CNTNAP2: variants seen among roughly 807,000 people sequenced by gnomAD.
CNTNAP2 encodes the protein contactin associated protein 2.
CNTNAP2 carries 98 observed loss-of-function variants against 155.2 expected under a neutral mutation model. The ratio of observed to expected loss-of-function variants is 0.63; its 90% CI spans 0.54 to 0.75. The LOEUF (loss-of-function observed/expected upper bound fraction) is 0.75, where lower values mean the gene tolerates loss of function less well. CNTNAP2 is among the 30% of genes least tolerant of loss of function. The probability of loss-of-function intolerance (pLI) is 0.00; values close to 1 mark genes in which losing one functional copy is unlikely to be tolerated. For missense variants in CNTNAP2, 1,727 were observed against 1,688.1 expected (o/e 1.02, Z -0.40); for synonymous variants, 651 against 631.2 (o/e 1.03, Z -0.47).
At chr7:148,086,436 C>G (rs1166067875) in intron 15 of CNTNAP2, among the ~76,000 whole-genome samples, 1 of 152,150 alleles carries the variant, frequency 6.6e-6, no homozygotes, top group Non-Finnish European at 1.5e-5. Flanking sequence ...ATCACAATGT[C>G]TCTAAGCATT....
chr7:146,254,968 A>G (rs1430291401), intron 1 of CNTNAP2, among the ~76,000 whole-genome samples: 1 of 152,138 alleles, frequency 6.6e-6, no homozygotes, highest in Non-Finnish European at 1.5e-5. Context: ...TAAACACCAC[A>G]TTTCAAAAGG....
At chr7:148,094,320 C>T (rs560707694) in intron 15 of CNTNAP2, among the ~76,000 whole-genome samples, 27 of 152,140 alleles carry the variant, frequency 1.8e-4, no homozygotes, top group African/African-American at 6.5e-4. Flanking sequence ...TAAACATAGA[C>T]AAATATTAGC....
chr7:147,538,158 G>A (rs1297774915), intron 11 of CNTNAP2, among the ~76,000 whole-genome samples: 4 of 152,052 alleles, frequency 2.6e-5, no homozygotes, highest in Non-Finnish European at 4.4e-5. Context: ...AACGTTCATC[G>A]GTATAAGAAA....
intron 14 of CNTNAP2, among the ~76,000 whole-genome samples, chr7:147,909,694 C>G (rs761580585): frequency 1.3e-5 from 2 of 152,206 alleles, no homozygotes; most frequent in Non-Finnish European, 2.9e-5. Flanking sequence ...TTCCTGGTCT[C>G]TTGCAGCCTG....
chr7:146,302,332 T>C (rs1276060900), intron 1 of CNTNAP2, among the ~76,000 whole-genome samples: 1 of 152,158 alleles, frequency 6.6e-6, no homozygotes, highest in Non-Finnish European at 1.5e-5. Flanking sequence ...TAAGGTAATA[T>C]TAAATGACAC....
intron 18 of CNTNAP2, among the ~76,000 whole-genome samples, chr7:148,173,979 T>C (rs1232482115): frequency 6.6e-6 from 1 of 152,126 alleles, no homozygotes; most frequent in Non-Finnish European, 1.5e-5. Flanking sequence ...TAATAGGCAA[T>C]AGTCATGAAT....
chr7:147,686,662 G>A (rs1411324325), intron 13 of CNTNAP2, among the ~76,000 whole-genome samples: 4 of 151,984 alleles, frequency 2.6e-5, no homozygotes, highest in Admixed American at 6.6e-5. Context: ...AGAAGGAACA[G>A]CCAGTTAAGT....
intron 1 of CNTNAP2, among the ~76,000 whole-genome samples, chr7:146,323,564 TAAAC>T (rs1461142791): frequency 2.0e-5 from 3 of 151,834 alleles, no homozygotes; most frequent in Non-Finnish European, 4.4e-5. Context: ...TTACATAACA[TAAAC>T]AGACACATTA....
Position 148,147,775 on chromosome 7 carries a change from A to C in CNTNAP2, c.2773+66A>C, listed in dbSNP as rs1241357420. Reference sequence around the variant, plus strand: ...TTTTAAGAGCCTGCACAATACAAAAAAAAAAAAAAATCAGCCTATGCAAGG... The same window carrying C: ...TTTTAAGAGCCTGCACAATACAAAACAAAAAAAAAATCAGCCTATGCAAGG... On this transcript the variant is annotated intron_variant, in intron 17 of 23. Transcript: ENST00000361727. 8 of 1,511,700 alleles carry C rather than the reference A, an allele frequency of 5.3e-6. No homozygotes were observed. The Admixed American group carries it at 7.7e-5, about 14-fold the overall frequency. The allele number at this position is 1,511,700 out of a possible 1,614,324, so 93.6% of individuals were successfully genotyped here.
At chr7:148,209,105 T>A (rs1279737140) in intron 18 of CNTNAP2, among the ~76,000 whole-genome samples, 1 of 152,100 alleles carries the variant, frequency 6.6e-6, no homozygotes, top group Non-Finnish European at 1.5e-5. Flanking sequence ...CAAAGGCACC[T>A]CAAACTTGAC....
chr7:147,170,275 G>A (rs1291149763), intron 8 of CNTNAP2, among the ~76,000 whole-genome samples: 1 of 152,102 alleles, frequency 6.6e-6, no homozygotes, highest in Non-Finnish European at 1.5e-5. Flanking sequence ...GCTATGGGTG[G>A]TAGATGGATA....
chr7:146,499,512 C>T (rs1254797592), intron 1 of CNTNAP2, among the ~76,000 whole-genome samples: 1 of 152,036 alleles, frequency 6.6e-6, no homozygotes, highest in Non-Finnish European at 1.5e-5. Context: ...ACTTTTTTGC[C>T]CCAACATTTT....
chr7:146,559,260 A>C (rs1798245119), intron 1 of CNTNAP2, among the ~76,000 whole-genome samples: 1 of 152,116 alleles, frequency 6.6e-6, no homozygotes, highest in South Asian at 2.1e-4. Flanking sequence ...AAATGTATAT[A>C]ATTTATCAAT....
At chr7:146,643,302 T>A (rs1799746358) in intron 1 of CNTNAP2, among the ~76,000 whole-genome samples, 1 of 151,978 alleles carries the variant, frequency 6.6e-6, no homozygotes, top group Non-Finnish European at 1.5e-5. Flanking sequence ...GGTCTAACGT[T>A]TAAGTCTTGA....
chr7:147,205,722 T>C (rs1445093755), intron 8 of CNTNAP2, among the ~76,000 whole-genome samples: 1 of 150,262 alleles, frequency 6.7e-6, no homozygotes, highest in East Asian at 1.9e-4. Context: ...GATAGTAAGA[T>C]GATACTTACC....
intron 13 of CNTNAP2, among the ~76,000 whole-genome samples, chr7:147,763,656 GGGGTCAGAAAGGCATTGACTATAA>G (rs1261207457): frequency 2.1e-4 from 32 of 152,126 alleles, no homozygotes; most frequent in African/African-American, 7.5e-4. Context: ...AACTGGAAAG[GGGGTCAGAAAGGCATTGACTATAA>G]GGGCAAGCCA....
intron 1 of CNTNAP2, among the ~76,000 whole-genome samples, chr7:146,483,406 T>C (rs1797008526): frequency 6.9e-6 from 1 of 145,766 alleles, no homozygotes; most frequent in South Asian, 2.2e-4. Context: ...TGTTACATAA[T>C]TTTACAGTTA....
At chr7:148,019,862 C>T (rs1008441682) in intron 15 of CNTNAP2, among the ~76,000 whole-genome samples, 2 of 152,166 alleles carry the variant, frequency 1.3e-5, no homozygotes, top group African/African-American at 4.8e-5. Flanking sequence ...TCTCAGCTCA[C>T]TGCAACCTCC....
intron 20 of CNTNAP2, among the ~76,000 whole-genome samples, chr7:148,256,160 C>G (rs1388558058): frequency 1.3e-5 from 2 of 152,100 alleles, no homozygotes; most frequent in African/African-American, 4.8e-5. Flanking sequence ...GAGAATGATG[C>G]CTTTCCAGGG....
Sources: gnomAD v4.1 joint callset for allele counts (sites outside exome capture counted in the v4.1 genomes callset) on GRCh38, gnomAD v4.1.1 for gene constraint, MANE v1.5 for transcripts, NCBI Gene and HGNC (gene_info 2026-07-23, HGNC 2026-07-21) for gene names.